The following LRP1B variants were observed in gnomAD, a reference collection of about 807,000 sequenced individuals.
LRP1B encodes the protein low-density lipoprotein receptor-related protein 1B.
A neutral mutation model predicts 556.6 loss-of-function variants in LRP1B; 217 were observed. The ratio of observed to expected loss-of-function variants is 0.39; its 90% CI spans 0.35 to 0.44. The LOEUF is 0.44. Ranked by LOEUF, LRP1B falls within the 20% of genes least tolerant of loss-of-function variation. The pLI is 1.00. For missense variants in LRP1B, 5,053 were observed against 5,620.8 expected, an observed-to-expected ratio of 0.90 and a Z score of 3.23; for synonymous variants, 2,047 against 1,865.8, an observed-to-expected ratio of 1.10 and a Z score of -2.50.
At chr2:140,816,628 A>G (rs1691133635) in intron 31 of LRP1B, among the ~76,000 whole-genome samples, 1 of 152,182 alleles carries the variant, frequency 6.6e-6, no homozygotes, top group African/African-American at 2.4e-5. Context: ...TATGATGCAT[A>G]TCACATAACT....
chr2:141,519,136 A>G (rs1156469938), intron 2 of LRP1B, among the ~76,000 whole-genome samples: 2 of 151,882 alleles, frequency 1.3e-5, no homozygotes, highest in Non-Finnish European at 2.9e-5. Flanking sequence ...CCAAAGAGGA[A>G]ACGGTGCTGT....
chr2:141,742,141 A>G (rs2105544912), intron 2 of LRP1B, among the ~76,000 whole-genome samples: 1 of 151,436 alleles, frequency 6.6e-6, no homozygotes, highest in East Asian at 1.9e-4. Flanking sequence ...ATTCTGTTCC[A>G]CTGGTCTATG....
At chr2:141,222,203 A>G (rs1573674140) in intron 6 of LRP1B, among the ~76,000 whole-genome samples, 1 of 152,178 alleles carries the variant, frequency 6.6e-6, no homozygotes, top group East Asian at 1.9e-4. Context: ...ATGATAAAGG[A>G]GATATAACCA....
In LRP1B at chr2:141,720,838, G is replaced by A. The variant is rs1456040468; in HGVS notation, c.205+89441C>T. Among the ~76,000 whole-genome samples the A allele has an allele frequency of 3.3e-5, 5 of 152,100 alleles. No individual in the cohort carries two copies. In the East Asian group the frequency reaches 5.8e-4, roughly 18 times the overall value. On this transcript the variant is annotated intron_variant, in intron 2 of 90. Coordinates refer to ENST00000389484, the MANE Select transcript of LRP1B (RefSeq NM_018557.3). Reference sequence around the variant, plus strand: ...AAATACAAACAATCCTTTCCCACTAGGAAAGTACTAAATCAACCATGAGTT... The same window carrying A: ...AAATACAAACAATCCTTTCCCACTAAGAAAGTACTAAATCAACCATGAGTT...
At chr2:141,493,549 G>A (rs1398372872) in intron 2 of LRP1B, among the ~76,000 whole-genome samples, 1 of 152,102 alleles carries the variant, frequency 6.6e-6, no homozygotes, top group African/African-American at 2.4e-5. Context: ...CTCTGGCTGT[G>A]GGAGAAAGGG....
At chr2:141,857,178 A>G (rs1455572232) in intron 1 of LRP1B, among the ~76,000 whole-genome samples, 1 of 152,104 alleles carries the variant, frequency 6.6e-6, no homozygotes, top group Non-Finnish European at 1.5e-5. Context: ...TTAGAGGTAT[A>G]AAGTCAACCT....
intron 86 of LRP1B, among the ~76,000 whole-genome samples, chr2:140,266,497 T>C (rs1198776490): frequency 6.6e-6 from 1 of 152,034 alleles, no homozygotes; most frequent in Non-Finnish European, 1.5e-5. Context: ...CCTAATCCTC[T>C]TTCTATAAAC....
Position 140,350,812 on chromosome 2 carries a change from T to C in LRP1B, c.11877A>G (p.Ala3959=). The C allele has an allele frequency of 1.2e-6, 2 of 1,610,564 alleles. No homozygotes were observed. Among genetic ancestry groups the C allele is most frequent in the Non-Finnish European group, 1.7e-6 (2 of 1,178,270 alleles). ...KRIHGREKRQ[A]NSGLICPEFK... is the part of the protein sequence containing the mutation. ...ATTTACTTACAATCAAGCCACTGTT[T>C]GCTTGCCTTTTTTCTCTGCCATGGA... Residue 3959 remains alanine, a synonymous_variant, in exon 77 of 91, where the codon GCA becomes GCG. Coordinates refer to ENST00000389484, the MANE Select transcript of LRP1B (RefSeq NM_018557.3).
intron 1 of LRP1B, among the ~76,000 whole-genome samples, chr2:142,126,963 G>T (rs1310797959): frequency 6.6e-6 from 1 of 151,794 alleles, no homozygotes; most frequent in African/African-American, 2.4e-5. Context: ...CAATAGATTT[G>T]CAAACTAAGT....
At chr2:140,703,370 G>A (rs1686715168) in intron 37 of LRP1B, among the ~76,000 whole-genome samples, 3 of 152,002 alleles carry the variant, frequency 2.0e-5, no homozygotes, top group African/African-American at 4.8e-5. Context: ...AAAACAGAAT[G>A]TACATAATCC....
At chr2:140,373,487 C>T (rs563176712) in intron 68 of LRP1B, among the ~76,000 whole-genome samples, 6 of 151,522 alleles carry the variant, frequency 4.0e-5, no homozygotes, top group Non-Finnish European at 5.9e-5. Flanking sequence ...AAACAAAAAA[C>T]GGATAAAAAA....
intron 1 of LRP1B, among the ~76,000 whole-genome samples, chr2:142,122,737 G>A (rs1707501638): frequency 6.6e-6 from 1 of 151,978 alleles, no homozygotes; most frequent in Non-Finnish European, 1.5e-5. Flanking sequence ...TCACGAGGTG[G>A]TGTCATTATC....
At chr2:140,567,993 G>T (rs775364753) in intron 43 of LRP1B, among the ~76,000 whole-genome samples, 58 of 151,846 alleles carry the variant, frequency 3.8e-4, no homozygotes, top group African/African-American at 1.4e-3. Context: ...TCTCTGTAAC[G>T]CCCACACCAT....
chr2:141,596,682 G>T (rs1004239516), intron 2 of LRP1B, among the ~76,000 whole-genome samples: 1 of 151,954 alleles, frequency 6.6e-6, no homozygotes, highest in South Asian at 2.1e-4. Context: ...CCCCTTTGGA[G>T]AATTTCAACT....
chr2:142,119,042 C>T (rs1707366352), intron 1 of LRP1B, among the ~76,000 whole-genome samples: 1 of 152,072 alleles, frequency 6.6e-6, no homozygotes, highest in African/African-American at 2.4e-5. Flanking sequence ...AAATATCTAC[C>T]AAACCTGCAA....
At chr2:140,850,567 T>A (rs889718118) in intron 28 of LRP1B, among the ~76,000 whole-genome samples, 4 of 152,138 alleles carry the variant, frequency 2.6e-5, no homozygotes, top group Non-Finnish European at 5.9e-5. Flanking sequence ...CACCCAAACA[T>A]TCTCAGTAAT....
intron 2 of LRP1B, among the ~76,000 whole-genome samples, chr2:141,528,758 T>C (rs1007494473): frequency 1.3e-5 from 2 of 152,136 alleles, no homozygotes; most frequent in Non-Finnish European, 2.9e-5. Flanking sequence ...CTAGAAGCCC[T>C]GGTTGAGCTA....
chr2:140,982,859 GT>G (rs59121243), intron 17 of LRP1B, among the ~76,000 whole-genome samples: 75 of 147,520 alleles, frequency 5.1e-4, no homozygotes, highest in African/African-American at 4.7e-4. Context: ...GCCTTAAGGT[GT>G]TTTTTTTTTT....
rs151136599 is a variant in LRP1B at position 140,969,287 on chromosome 2, G to A, written c.2887+12873C>T. Among the ~76,000 whole-genome samples, 3 of 151,852 alleles carry A rather than the reference G, an allele frequency of 2.0e-5. No homozygotes were observed. In the South Asian group the frequency reaches 6.2e-4, roughly 32 times the overall value. On this transcript the variant is annotated intron_variant, in intron 18 of 90. Transcript: ENST00000389484. ...TTGATCCCTTTACCATTATGTAATG[G>A]CCTTCGTCTCTTTTGATCTTTGTTG...
Sources: allele counts gnomAD v4.1 joint callset (sites outside exome capture counted in the v4.1 genomes callset), GRCh38; gene constraint gnomAD v4.1.1; transcripts MANE v1.5; gene names NCBI Gene and HGNC (gene_info 2026-07-23, HGNC 2026-07-21).